DCC: variants seen among roughly 807,000 people sequenced by gnomAD.
The protein encoded by DCC is netrin receptor DCC.
A neutral mutation model predicts 172.5 loss-of-function variants in DCC; 58 were observed. The ratio of observed to expected loss-of-function variants is 0.34; its 90% CI spans 0.27 to 0.42. DCC has a LOEUF of 0.42. Ranked by LOEUF, DCC falls within the 10% of genes least tolerant of loss-of-function variation. The probability of loss-of-function intolerance (pLI) is 1.00; values close to 1 mark genes in which losing one functional copy is unlikely to be tolerated. For synonymous variants in DCC, 709 were observed against 644.5 expected (o/e 1.10, Z -1.52); for missense variants, 1,740 against 1,791.0 (o/e 0.97, Z 0.51).
intron 15 of DCC, among the ~76,000 whole-genome samples, chr18:53,379,281 A>T (rs1907543883): frequency 6.6e-6 from 1 of 152,284 alleles, no homozygotes; most frequent in Non-Finnish European, 1.5e-5. Flanking sequence ...GAACATGCAG[A>T]GTGGGCCCCG....
At chr18:52,461,535 A>G (rs925001506) in intron 1 of DCC, among the ~76,000 whole-genome samples, 4 of 152,198 alleles carry the variant, frequency 2.6e-5, no homozygotes, top group African/African-American at 9.7e-5. Flanking sequence ...GACTGGCAGC[A>G]CAATAGTTTT....
chr18:52,499,417 G>A (rs1466275293), intron 1 of DCC, among the ~76,000 whole-genome samples: 2 of 152,184 alleles, frequency 1.3e-5, no homozygotes, highest in Non-Finnish European at 2.9e-5. Context: ...CTGTTTTGAA[G>A]AGCCAGTCCT....
intron 12 of DCC, among the ~76,000 whole-genome samples, chr18:53,218,049 A>T (rs895129615): frequency 6.6e-6 from 1 of 151,944 alleles, no homozygotes; most frequent in Non-Finnish European, 1.5e-5. Context: ...GGGTCTCATT[A>T]TGTTCCCTAG....
intron 1 of DCC, among the ~76,000 whole-genome samples, chr18:52,530,552 G>T (rs1291388833): frequency 6.6e-6 from 1 of 152,170 alleles, no homozygotes; most frequent in East Asian, 1.9e-4. Flanking sequence ...TTAGTAAATG[G>T]TACATAGGAG....
At chr18:52,947,592 G>T (rs2040568938) in intron 5 of DCC, among the ~76,000 whole-genome samples, 1 of 152,162 alleles carries the variant, frequency 6.6e-6, no homozygotes, top group Non-Finnish European at 1.5e-5. Context: ...TCTTGGGTCA[G>T]TCAGGCAAAT....
chr18:52,860,794 C>T (rs1352081434), intron 2 of DCC, among the ~76,000 whole-genome samples: 1 of 152,012 alleles, frequency 6.6e-6, no homozygotes, highest in African/African-American at 2.4e-5. Flanking sequence ...GGTCAGGAGA[C>T]CGAGACCATC....
At chr18:52,382,028 A>T (rs1488979752) in intron 1 of DCC, among the ~76,000 whole-genome samples, 1 of 152,168 alleles carries the variant, frequency 6.6e-6, no homozygotes, top group African/African-American at 2.4e-5. Flanking sequence ...ATATCTTTGG[A>T]TGAGGATCTA....
intron 1 of DCC, among the ~76,000 whole-genome samples, chr18:52,641,897 G>A (rs770748228): frequency 1.3e-5 from 2 of 151,530 alleles, no homozygotes; most frequent in Admixed American, 6.6e-5. Context: ...GTCATGATTC[G>A]AAAAAGATAC....
chr18:52,798,078 A>AAGGTTGCTTGCATGAAGGTTGCTTGCACG (rs1202694637), intron 2 of DCC, among the ~76,000 whole-genome samples: 2 of 149,990 alleles, frequency 1.3e-5, no homozygotes, highest in African/African-American at 2.5e-5. Context: ...TTGCTTGCAC[A>AAGGTTGCTTGCATGAAGGTTGCTTGCACG]AAGGCTACAC....
intron 2 of DCC, among the ~76,000 whole-genome samples, chr18:52,795,385 G>T (rs2037854950): frequency 6.6e-6 from 1 of 151,852 alleles, no homozygotes; most frequent in Non-Finnish European, 1.5e-5. Flanking sequence ...GTTTCCTCTA[G>T]ATTTTCTAAT....
intron 13 of DCC, among the ~76,000 whole-genome samples, chr18:53,315,464 T>C (rs1330558011): frequency 2.0e-5 from 3 of 152,228 alleles, no homozygotes; most frequent in Non-Finnish European, 4.4e-5. Flanking sequence ...TTATAATCCT[T>C]TGGGTATATA....
intron 2 of DCC, chr18:52,816,941 G>A (rs1389074602): frequency 6.6e-6 from 1 of 151,978 alleles, no homozygotes; most frequent in Non-Finnish European, 1.5e-5. Context: ...GTTACTTTTT[G>A]CAAGGTACAG....
chr18:52,651,664 G>A (rs1273309535), intron 1 of DCC, among the ~76,000 whole-genome samples: 2 of 152,006 alleles, frequency 1.3e-5, no homozygotes, highest in Admixed American at 6.6e-5. Flanking sequence ...TTTAAACAAA[G>A]TGAGTATATT....
intron 12 of DCC, among the ~76,000 whole-genome samples, chr18:53,234,478 T>G (rs1219921325): frequency 6.6e-6 from 1 of 152,022 alleles, no homozygotes. Flanking sequence ...CAGTCAGGTT[T>G]TTTTCTGCTT....
At chr18:53,276,731 G>A (rs2056810356) in intron 12 of DCC, among the ~76,000 whole-genome samples, 1 of 152,158 alleles carries the variant, frequency 6.6e-6, no homozygotes, top group Non-Finnish European at 1.5e-5. Context: ...GAGCTTGGGA[G>A]AAGAAAGAGC....
intron 14 of DCC, among the ~76,000 whole-genome samples, chr18:53,336,656 A>G (rs2057594750): frequency 1.3e-5 from 2 of 152,218 alleles, no homozygotes; most frequent in African/African-American, 4.8e-5. Flanking sequence ...GTTCAAGACC[A>G]GCCTGAACAA....
At chr18:52,521,711 A>C (rs2031824263) in intron 1 of DCC, among the ~76,000 whole-genome samples, 1 of 152,132 alleles carries the variant, frequency 6.6e-6, no homozygotes, top group African/African-American at 2.4e-5. Context: ...AAGTTATCGT[A>C]ATTTTAAAAC....
At chr18:52,566,796 G>A (rs948592) in intron 1 of DCC, among the ~76,000 whole-genome samples, 37,004 of 151,822 alleles carry the variant, frequency 0.24, 4,638 homozygotes, top group African/African-American at 0.29. Flanking sequence ...CCTGTGCAGG[G>A]CAAAGTAAAA....
intron 1 of DCC, among the ~76,000 whole-genome samples, chr18:52,449,913 A>G (rs1988248877): frequency 6.6e-6 from 1 of 152,172 alleles, no homozygotes; most frequent in South Asian, 2.1e-4. Context: ...CCAGCAATGC[A>G]TAACTTTGAG....
Sources: gnomAD v4.1 joint callset for allele counts (sites outside exome capture counted in the v4.1 genomes callset) on GRCh38, gnomAD v4.1.1 for gene constraint, MANE v1.5 for transcripts, NCBI Gene and HGNC (gene_info 2026-07-23, HGNC 2026-07-21) for gene names.